GRIK2: variants seen among roughly 807,000 people sequenced by gnomAD.
The protein encoded by GRIK2 is glutamate ionotropic receptor kainate type subunit 2.
GRIK2 carries 32 observed loss-of-function variants against 100.3 expected under a neutral mutation model. The ratio of observed to expected loss-of-function variants is 0.32; its 90% CI spans 0.24 to 0.43. The LOEUF (loss-of-function observed/expected upper bound fraction) is 0.43. Among genes scored for constraint, GRIK2 ranks in the 20% least tolerant of loss-of-function variants. GRIK2 has a pLI of 1.00. For missense variants in GRIK2, 843 were observed against 1,114.9 expected, an observed-to-expected ratio of 0.76 and a Z score of 3.47; for synonymous variants, 417 against 389.4, an observed-to-expected ratio of 1.07 and a Z score of -0.83.
At chr6:101,737,710 T>C (rs188228144) in intron 7 of GRIK2, among the ~76,000 whole-genome samples, 73 of 152,344 alleles carry the variant, frequency 4.8e-4, no homozygotes, top group African/African-American at 1.7e-3. Context: ...TGACTACATT[T>C]GATCTTTAGG....
At chr6:101,891,925 G>T (rs1188102916) in intron 12 of GRIK2, among the ~76,000 whole-genome samples, 1 of 152,118 alleles carries the variant, frequency 6.6e-6, no homozygotes, top group Non-Finnish European at 1.5e-5. Flanking sequence ...TAGTTTATGT[G>T]TTCAGAGAAA....
chr6:101,854,985 T>C (rs1194234174), intron 10 of GRIK2, among the ~76,000 whole-genome samples: 3 of 152,124 alleles, frequency 2.0e-5, no homozygotes, highest in Non-Finnish European at 4.4e-5. Flanking sequence ...ATTTTATATT[T>C]AACTTGAGCC....
At chr6:101,590,713 G>A (rs993404470) in intron 2 of GRIK2, among the ~76,000 whole-genome samples, 1 of 151,950 alleles carries the variant, frequency 6.6e-6, no homozygotes, top group Non-Finnish European at 1.5e-5. Context: ...AAGAGGGATG[G>A]GAGAGCTTAC....
At chr6:101,404,112 C>A (rs1237966717) in intron 2 of GRIK2, among the ~76,000 whole-genome samples, 1 of 152,152 alleles carries the variant, frequency 6.6e-6, no homozygotes, top group African/African-American at 2.4e-5. Flanking sequence ...CTTTCAGAAG[C>A]GAACATGGTT....
intron 10 of GRIK2, among the ~76,000 whole-genome samples, chr6:101,837,149 T>C (rs1435281497): frequency 6.6e-6 from 1 of 152,166 alleles, no homozygotes; most frequent in Non-Finnish European, 1.5e-5. Context: ...GACTTCCAAG[T>C]ACCATGTAAA....
At chr6:101,502,084 T>C (rs1460479500) in intron 2 of GRIK2, among the ~76,000 whole-genome samples, 1 of 152,176 alleles carries the variant, frequency 6.6e-6, no homozygotes, top group African/African-American at 2.4e-5. Context: ...TGTAATATTG[T>C]GATAATAACT....
At chr6:101,959,773 C>T (rs1439270207) in intron 14 of GRIK2, among the ~76,000 whole-genome samples, 1 of 152,038 alleles carries the variant, frequency 6.6e-6, no homozygotes, top group South Asian at 2.1e-4. Context: ...ACACTTCTCT[C>T]TTGCTGCTTT....
intron 2 of GRIK2, among the ~76,000 whole-genome samples, chr6:101,535,712 A>G (rs1775659141): frequency 6.6e-6 from 1 of 151,764 alleles, no homozygotes; most frequent in African/African-American, 2.4e-5. Flanking sequence ...TATATATGAT[A>G]TGGATGAGTT....
intron 16 of GRIK2, chr6:102,063,900 T>A: frequency 2.8e-6 from 2 of 723,500 alleles, no homozygotes; most frequent in Non-Finnish European, 4.9e-6. Flanking sequence ...TATTAAGAGT[T>A]TTACTAATTT....
intron 10 of GRIK2, among the ~76,000 whole-genome samples, chr6:101,846,721 A>G (rs1783831061): frequency 6.6e-6 from 1 of 151,934 alleles, no homozygotes; most frequent in South Asian, 2.1e-4. Flanking sequence ...TTTTATTTCT[A>G]TTTGAGGAAG....
intron 2 of GRIK2, chr6:101,431,477 G>A (rs1450813729): frequency 6.6e-6 from 1 of 152,282 alleles, no homozygotes; most frequent in Non-Finnish European, 1.5e-5. Context: ...CCCCAGCAAA[G>A]CCGGCTTGGC....
At chr6:102,041,497 G>A (rs1306653878) in intron 15 of GRIK2, among the ~76,000 whole-genome samples, 1 of 151,502 alleles carries the variant, frequency 6.6e-6, no homozygotes, top group African/African-American at 2.4e-5. Flanking sequence ...AAACCCAAAT[G>A]CTTTGCATTT....
At chr6:101,892,082 A>G (rs937373094) in intron 12 of GRIK2, among the ~76,000 whole-genome samples, 2 of 152,158 alleles carry the variant, frequency 1.3e-5, no homozygotes, top group Non-Finnish European at 2.9e-5. Context: ...TTAAATTAAC[A>G]AATTTCCCAG....
intron 12 of GRIK2, among the ~76,000 whole-genome samples, chr6:101,900,064 T>A (rs1328267139): frequency 6.6e-6 from 1 of 152,178 alleles, no homozygotes; most frequent in East Asian, 1.9e-4. Flanking sequence ...GAAATGTGTA[T>A]TTATTTTAAA....
chr6:102,038,040 T>C (rs926694803), intron 15 of GRIK2, among the ~76,000 whole-genome samples: 2 of 151,518 alleles, frequency 1.3e-5, no homozygotes, highest in Non-Finnish European at 3.0e-5. Flanking sequence ...ACTGTGCTCT[T>C]GGACAAGTAA....
At chr6:101,554,085 A>G (rs570856383) in intron 2 of GRIK2, among the ~76,000 whole-genome samples, 3 of 152,326 alleles carry the variant, frequency 2.0e-5, no homozygotes, top group Middle Eastern at 3.4e-3. Context: ...TGAGCTGTGT[A>G]TATCTATGTA....
intron 2 of GRIK2, among the ~76,000 whole-genome samples, chr6:101,456,696 A>AC (rs34588467): frequency 7.3e-5 from 11 of 150,896 alleles, no homozygotes; most frequent in East Asian, 2.0e-4. Context: ...GGAAAAAAAA[A>AC]CCATAGAGTT....
chr6:101,402,535 T>C (rs561315075), intron 2 of GRIK2, among the ~76,000 whole-genome samples: 115 of 152,280 alleles, frequency 7.6e-4, no homozygotes, highest in Non-Finnish European at 1.3e-3. Flanking sequence ...CGAGGCTCTA[T>C]GGCAGCGACC....
intron 2 of GRIK2, among the ~76,000 whole-genome samples, chr6:101,610,065 T>C (rs1779604097): frequency 2.0e-5 from 3 of 151,644 alleles, no homozygotes; most frequent in South Asian, 4.1e-4. Flanking sequence ...TAAACAGTTG[T>C]TTTACTCTTC....
Sources: allele counts gnomAD v4.1 joint callset (sites outside exome capture counted in the v4.1 genomes callset), GRCh38; gene constraint gnomAD v4.1.1; transcripts MANE v1.5; gene names NCBI Gene and HGNC (gene_info 2026-07-23, HGNC 2026-07-21).